EPHA5: variants seen among roughly 807,000 people sequenced by gnomAD.
The protein encoded by EPHA5 is EPH receptor A5, also known as ephrin type-A receptor 5.
In EPHA5, 60 loss-of-function variants were observed where a neutral mutation model predicts 105.0. The observed-to-expected ratio is 0.57, with a 90% confidence interval of 0.46 to 0.71. The LOEUF is 0.71. Ranked by LOEUF, EPHA5 falls within the 30% of genes least tolerant of loss-of-function variation. The pLI, the probability that EPHA5 is intolerant of heterozygous loss-of-function variation, is 0.00. For synonymous variants in EPHA5, 513 were observed against 449.1 expected, an observed-to-expected ratio of 1.14 and a Z score of -1.80; for missense variants, 1,218 against 1,274.7, an observed-to-expected ratio of 0.96 and a Z score of 0.68.
chr4:65,401,164 T>A (rs933719387), intron 8 of EPHA5, among the ~76,000 whole-genome samples: 8 of 152,078 alleles, frequency 5.3e-5, no homozygotes, highest in African/African-American at 1.7e-4. Context: ...ACAAGCTTTT[T>A]AAAATAATTT....
intron 5 of EPHA5, among the ~76,000 whole-genome samples, chr4:65,476,893 G>T (rs1729873338): frequency 6.6e-6 from 1 of 151,736 alleles, no homozygotes; most frequent in Non-Finnish European, 1.5e-5. Flanking sequence ...TAATAAAAAA[G>T]AAAACATCAA....
At chr4:65,466,844 C>T (rs750902017) in intron 5 of EPHA5, among the ~76,000 whole-genome samples, 11 of 152,062 alleles carry the variant, frequency 7.2e-5, no homozygotes, top group African/African-American at 2.4e-4. Context: ...TTTTATAGGC[C>T]GAAAGTCCTG....
intron 2 of EPHA5, among the ~76,000 whole-genome samples, chr4:65,627,205 T>G (rs11932862): frequency 0.87 from 132,576 of 152,176 alleles, 58,079 homozygotes; most frequent in Non-Finnish European, 0.91. Context: ...GTTTTAAATG[T>G]AGAACCAGCT....
Position 65,670,280 on chromosome 4 carries a change from T to C in EPHA5, c.-538A>G, listed in dbSNP as rs116476784. 4,724 of 233,640 alleles carry C rather than the reference T, an allele frequency of 0.02. 63 individuals are homozygous for C. The highest frequency in any genetic ancestry group is 0.034 in the African/African-American group (1,528 of 45,462). 14.5% of individuals were successfully genotyped at this position (233,640 alleles called of 1,614,324 possible). ...GGAGAGCAGCGAGCAAAAGCAAAGA[T>C]CCAGAGTTCAAAGAGACTGGCAGAA... On this transcript the variant is annotated 5_prime_UTR_variant, in exon 1 of 17. Coordinates refer to ENST00000613740, the MANE Select transcript of EPHA5 (RefSeq NM_001281766.3).
chr4:65,538,790 A>G (rs1736541309), intron 3 of EPHA5, among the ~76,000 whole-genome samples: 1 of 151,696 alleles, frequency 6.6e-6, no homozygotes. Context: ...AATGACTCAT[A>G]TAACTTCACA....
intron 5 of EPHA5, among the ~76,000 whole-genome samples, chr4:65,489,641 T>C (rs1294730671): frequency 6.6e-6 from 1 of 152,214 alleles, no homozygotes. Flanking sequence ...TTAGCTGTAG[T>C]TTATATTCGG....
chr4:65,488,791 A>G (rs1338953051), intron 5 of EPHA5, among the ~76,000 whole-genome samples: 3 of 152,210 alleles, frequency 2.0e-5, no homozygotes, highest in African/African-American at 7.2e-5. Flanking sequence ...CTATTGCATT[A>G]ATCACATGCT....
chr4:65,659,342 A>AC (rs1749350570), intron 1 of EPHA5, among the ~76,000 whole-genome samples: 2 of 144,714 alleles, frequency 1.4e-5, no homozygotes, highest in African/African-American at 5.4e-5. Context: ...AAAAAAAAAA[A>AC]AAAAAAAAAA....
intron 7 of EPHA5, among the ~76,000 whole-genome samples, chr4:65,412,267 C>T (rs546915665): frequency 3.3e-5 from 5 of 152,216 alleles, no homozygotes; most frequent in African/African-American, 9.6e-5. Context: ...CTCTAAAATG[C>T]TCTTTGAAAC....
chr4:65,576,038 GAA>G (rs1238864386), intron 3 of EPHA5, among the ~76,000 whole-genome samples: 1 of 74,410 alleles, frequency 1.3e-5, no homozygotes, highest in African/African-American at 5.2e-5. Flanking sequence ...AAGAAAGAAA[GAA>G]AGAAAGAAAG....
At chr4:65,400,148 A>T (rs1446970616) in intron 8 of EPHA5, among the ~76,000 whole-genome samples, 1 of 152,218 alleles carries the variant, frequency 6.6e-6, no homozygotes, top group African/African-American at 2.4e-5. Context: ...AGACTGGTCA[A>T]TTAAACATTT....
Position 65,601,741 on chromosome 4 carries a change from T to C in EPHA5, c.810A>G (p.Glu270=), listed in dbSNP as rs771782357. Residue 270 remains glutamate, a synonymous_variant, in exon 3 of 17, where the codon GAA becomes GAG. Coordinates refer to ENST00000613740, the MANE Select transcript of EPHA5 (RefSeq NM_001281766.3). The part of the protein sequence containing the change: ...GSCVNHSVTD[E]PPKMHCSAEG... Reference sequence around the variant, plus strand: ...CGGCGCTGCAGTGCATTTTGGGAGGTTCATCGGTCACAGAATGGTTGACAC... The same window carrying C: ...CGGCGCTGCAGTGCATTTTGGGAGGCTCATCGGTCACAGAATGGTTGACAC... 4 of 1,613,954 alleles carry C rather than the reference T, an allele frequency of 2.5e-6. No homozygotes were observed.
At chr4:65,588,627 A>T (rs1390174386) in intron 3 of EPHA5, among the ~76,000 whole-genome samples, 2 of 152,114 alleles carry the variant, frequency 1.3e-5, no homozygotes, top group Non-Finnish European at 1.5e-5. Context: ...TTTCTGATCA[A>T]GGTGTTTTAT....
intron 1 of EPHA5, among the ~76,000 whole-genome samples, chr4:65,650,408 A>T (rs1039223756): frequency 8.8e-6 from 1 of 113,776 alleles, no homozygotes; most frequent in Non-Finnish European, 2.0e-5. Context: ...AAAAAAAAAA[A>T]ATTAACCAGG....
intron 3 of EPHA5, among the ~76,000 whole-genome samples, chr4:65,590,940 C>T (rs1019536933): frequency 1.3e-5 from 2 of 151,956 alleles, no homozygotes; most frequent in Non-Finnish European, 2.9e-5. Context: ...AAAAGTAAAA[C>T]AAAGAGTCTG....
chr4:65,597,432 A>T (rs1393924981), intron 3 of EPHA5, among the ~76,000 whole-genome samples: 1 of 144,374 alleles, frequency 6.9e-6, no homozygotes, highest in Non-Finnish European at 1.5e-5. Flanking sequence ...AACTTCTAAA[A>T]TGTGTTTTTG....
chr4:65,354,047 C>T (rs529005328), intron 11 of EPHA5, among the ~76,000 whole-genome samples: 35 of 151,740 alleles, frequency 2.3e-4, no homozygotes, highest in East Asian at 1.4e-3. Context: ...TTATGGATCC[C>T]GGGCAAGTCA....
chr4:65,466,970 A>T (rs554574150), intron 5 of EPHA5, among the ~76,000 whole-genome samples: 4 of 152,156 alleles, frequency 2.6e-5, no homozygotes, highest in Non-Finnish European at 5.9e-5. Flanking sequence ...AATTTCCCAC[A>T]TCTGGGAACA....
intron 3 of EPHA5, among the ~76,000 whole-genome samples, chr4:65,569,415 C>T (rs1739890950): frequency 6.6e-6 from 1 of 151,538 alleles, no homozygotes; most frequent in Non-Finnish European, 1.5e-5. Flanking sequence ...GATCATAGAA[C>T]AGATATATCA....
Sources: allele counts gnomAD v4.1 joint callset (sites outside exome capture counted in the v4.1 genomes callset), GRCh38; gene constraint gnomAD v4.1.1; transcripts MANE v1.5; gene names NCBI Gene and HGNC (gene_info 2026-07-23, HGNC 2026-07-21).